The following NEGR1 variants were observed in gnomAD, a reference collection of about 807,000 sequenced individuals.
The protein encoded by NEGR1 is neuronal growth regulator 1.
Under a neutral mutation model 40.9 loss-of-function variants are expected in NEGR1, and 10 were observed. The observed-to-expected ratio is 0.24, with a 90% CI of 0.15 to 0.42. The LOEUF is 0.42. Among genes scored for constraint, NEGR1 ranks in the 10% least tolerant of loss-of-function variants. The pLI is 1.00. For missense variants in NEGR1, 352 were observed against 438.9 expected (o/e 0.80, Z 1.77); for synonymous variants, 185 against 166.8 (o/e 1.11, Z -0.84).
chr1:71,715,885 C>T (rs555329986), intron 3 of NEGR1, among the ~76,000 whole-genome samples: 37 of 152,220 alleles, frequency 2.4e-4, no homozygotes, highest in Admixed American at 5.9e-4. Context: ...TTCCAGCCTC[C>T]GCCTGTTACC....
intron 2 of NEGR1, among the ~76,000 whole-genome samples, chr1:71,881,241 T>C (rs773898044): frequency 1.3e-5 from 2 of 152,018 alleles, no homozygotes; most frequent in African/African-American, 4.8e-5. Flanking sequence ...AAGTGTCTGA[T>C]GCAGAAAGAA....
Position 72,084,792 on chromosome 1 carries a change from A to AT in NEGR1, c.177-149482dup, listed in dbSNP as rs1447497633. The stretch of plus-strand genomic sequence containing the variant: ...CCTTCAGAGAAACTCATGTTGGATT[A>AT]TTTGAATGGAAAAATGAAAAGAAAA... On this transcript the variant is annotated intron_variant, in intron 1 of 6. Coordinates refer to ENST00000357731, the MANE Select transcript of NEGR1 (RefSeq NM_173808.3). 3.3e-5 allele frequency among the ~76,000 whole-genome samples: 5 copies of AT among 152,206 alleles called. 1 individual carries two copies. Among genetic ancestry groups the AT allele is most frequent in the Admixed American group, 3.3e-4 (5 of 15,276 alleles).
chr1:71,595,823 C>T (rs906631681), intron 5 of NEGR1, among the ~76,000 whole-genome samples: 7 of 152,018 alleles, frequency 4.6e-5, no homozygotes, highest in Non-Finnish European at 8.8e-5. Flanking sequence ...CTAGAAGCTC[C>T]AGCATATATG....
At position 72,191,075 on chromosome 1, in the gene NEGR1, T is replaced by A. The variant is rs532418216; in HGVS notation, c.176+91244A>T. On this transcript the variant is annotated intron_variant, in intron 1 of 6. Coordinates refer to ENST00000357731, the MANE Select transcript of NEGR1 (RefSeq NM_173808.3). ...TTACTTATAGTAAAGGTTTATATAA[T>A]GATTCAGTATTGATTAATCCCTAAG... 1.8e-3 allele frequency among the ~76,000 whole-genome samples: 275 copies of A among 151,830 alleles called. 1 individual carries two copies. Among genetic ancestry groups the A allele is most frequent in the South Asian group, 2.1e-3 (10 of 4,820 alleles).
chr1:71,434,741 G>A (rs1402959925), intron 6 of NEGR1, among the ~76,000 whole-genome samples: 5 of 152,136 alleles, frequency 3.3e-5, no homozygotes, highest in African/African-American at 1.2e-4. Flanking sequence ...ACTGTGGTTG[G>A]CTGCCACTTC....
intron 1 of NEGR1, among the ~76,000 whole-genome samples, chr1:72,221,913 A>G (rs939848952): frequency 3.9e-5 from 6 of 152,114 alleles, no homozygotes; most frequent in African/African-American, 1.4e-4. Context: ...CTGCTCCAAC[A>G]TAAAGCCAAG....
At chr1:71,911,897 C>T (rs1661429967) in intron 2 of NEGR1, among the ~76,000 whole-genome samples, 1 of 152,140 alleles carries the variant, frequency 6.6e-6, no homozygotes, top group Non-Finnish European at 1.5e-5. Flanking sequence ...GAGTCTACCA[C>T]CACACCCCAT....
intron 1 of NEGR1, among the ~76,000 whole-genome samples, chr1:72,202,817 C>T (rs1390027420): frequency 6.6e-6 from 1 of 152,006 alleles, no homozygotes; most frequent in Non-Finnish European, 1.5e-5. Flanking sequence ...AGCCAATGCT[C>T]ATTTATCATT....
At chr1:72,271,170 A>C (rs1001470553) in intron 1 of NEGR1, among the ~76,000 whole-genome samples, 1 of 151,912 alleles carries the variant, frequency 6.6e-6, no homozygotes, top group Non-Finnish European at 1.5e-5. Context: ...TAGATGATAA[A>C]CTTTGCAAAT....
intron 2 of NEGR1, among the ~76,000 whole-genome samples, chr1:71,874,484 T>C (rs1204394230): frequency 2.6e-5 from 4 of 152,318 alleles, no homozygotes; most frequent in Non-Finnish European, 5.9e-5. Flanking sequence ...CTTCTTCAAC[T>C]GCAAACTTCC....
chr1:72,168,930 AAG>A (rs1329210264), intron 1 of NEGR1, among the ~76,000 whole-genome samples: 1 of 152,068 alleles, frequency 6.6e-6, no homozygotes, highest in Non-Finnish European at 1.5e-5. Flanking sequence ...AACAAAAACT[AAG>A]AAACTAGAAT....
Position 72,235,337 on chromosome 1 carries a change from T to C in NEGR1, c.176+46982A>G, listed in dbSNP as rs545293031. 3.6e-4 allele frequency among the ~76,000 whole-genome samples: 55 copies of C among 152,012 alleles called. 1 individual carries two copies. In the Middle Eastern group the frequency reaches 0.01, roughly 28 times the overall value. On this transcript the variant is annotated intron_variant, in intron 1 of 6. Transcript: ENST00000357731. The stretch of plus-strand genomic sequence containing the variant: ...ACCTGGAGGGGCATTTTGAGGGAAA[T>C]TGTGGTAGAACTTTGAAACTTCACA...
intron 4 of NEGR1, among the ~76,000 whole-genome samples, chr1:71,666,239 G>A (rs1407002861): frequency 2.0e-5 from 3 of 151,910 alleles, no homozygotes; most frequent in Admixed American, 6.6e-5. Flanking sequence ...TTTCTATTAC[G>A]AAAATAGTTA....
chr1:71,993,195 T>G (rs1646470728), intron 1 of NEGR1, among the ~76,000 whole-genome samples: 1 of 152,230 alleles, frequency 6.6e-6, no homozygotes, highest in Admixed American at 6.5e-5. Flanking sequence ...CACACCCTAG[T>G]CAGGGAGCTA....
At chr1:71,927,384 G>T (rs1645784361) in intron 2 of NEGR1, among the ~76,000 whole-genome samples, 1 of 152,086 alleles carries the variant, frequency 6.6e-6, no homozygotes, top group African/African-American at 2.4e-5. Context: ...ATCTAAATTT[G>T]TCTGTGAAGG....
chr1:71,875,256 T>C (rs972168001), intron 2 of NEGR1, among the ~76,000 whole-genome samples: 1 of 152,204 alleles, frequency 6.6e-6, no homozygotes, highest in African/African-American at 2.4e-5. Context: ...TTTATGAGTT[T>C]CAAGAAAAAT....
chr1:71,783,876 A>ATCCG (rs34429157), intron 2 of NEGR1, among the ~76,000 whole-genome samples: 58,021 of 144,622 alleles, frequency 0.4, 17,641 homozygotes, highest in East Asian at 0.58. Flanking sequence ...CCATCCATCC[A>ATCCG]ATAGACATTT....
At chr1:71,587,685 C>CAT (rs1484510562) in intron 6 of NEGR1, among the ~76,000 whole-genome samples, 1 of 114,470 alleles carries the variant, frequency 8.7e-6, no homozygotes, top group African/African-American at 3.0e-5. Flanking sequence ...CACACACACA[C>CAT]ACACAGATAT....
chr1:71,875,564 C>T (rs370429708), intron 2 of NEGR1, among the ~76,000 whole-genome samples: 3 of 152,120 alleles, frequency 2.0e-5, no homozygotes, highest in South Asian at 2.1e-4. Context: ...AAAGGTGCAG[C>T]TCAGTGATAG....
Sources: gnomAD v4.1 joint callset for allele counts (sites outside exome capture counted in the v4.1 genomes callset) on GRCh38, gnomAD v4.1.1 for gene constraint, MANE v1.5 for transcripts, NCBI Gene and HGNC (gene_info 2026-07-23, HGNC 2026-07-21) for gene names.